Variants in VWA8 observed in about 807,000 individuals in gnomAD.
VWA8 encodes the protein von Willebrand factor A domain containing 8, also known as von Willebrand factor A domain-containing protein 8.
In VWA8, 221 loss-of-function variants were observed where a neutral mutation model predicts 241.5. The observed-to-expected ratio is 0.91, with a 90% confidence interval of 0.82 to 1.02. The LOEUF (loss-of-function observed/expected upper bound fraction) is 1.02. VWA8 is among the 50% of genes least tolerant of loss of function. The probability of loss-of-function intolerance (pLI) is 0.00; values close to 1 mark genes in which losing one functional copy is unlikely to be tolerated. For synonymous variants in VWA8, 852 were observed against 827.1 expected (o/e 1.03, Z -0.52); for missense variants, 2,322 against 2,328.7 (o/e 1.00, Z 0.06).
chr13:41,732,295 G>A, intron 21 of VWA8, 140 bp from the exon 22 acceptor site: 1 of 624,018 alleles, frequency 1.6e-6, no homozygotes, highest in Non-Finnish European at 2.7e-6. Flanking sequence ...AAAAAAAACA[G>A]CAAGTGAAAT....
intron 2 of VWA8, among the ~76,000 whole-genome samples, chr13:41,934,763 TA>T (rs1308545800): frequency 6.6e-6 from 1 of 152,016 alleles, no homozygotes; most frequent in Non-Finnish European, 1.5e-5. Context: ...CAGGAAACAT[TA>T]CAAAGAGGCA....
chr13:41,710,488 T>A (rs1329561163), intron 26 of VWA8, among the ~76,000 whole-genome samples: 3 of 152,210 alleles, frequency 2.0e-5, no homozygotes, highest in Non-Finnish European at 4.4e-5. Context: ...GCCAAGAGAA[T>A]ATAAGGCAAA....
intron 9 of VWA8, among the ~76,000 whole-genome samples, chr13:41,879,470 T>C (rs569830267): frequency 6.6e-6 from 1 of 151,910 alleles, no homozygotes; most frequent in South Asian, 2.1e-4. Flanking sequence ...CTGCTGTCTC[T>C]TCCCTCCTTT....
At chr13:41,841,859 A>ATATATATATAT (rs1566478204) in intron 12 of VWA8, among the ~76,000 whole-genome samples, 7 of 74,456 alleles carry the variant, frequency 9.4e-5, no homozygotes, top group Admixed American at 1.3e-4. Flanking sequence ...ATATATATAT[A>ATATATATATAT]AAAACAGTAG....
intron 37 of VWA8, among the ~76,000 whole-genome samples, chr13:41,633,190 T>C (rs930836601): frequency 6.6e-6 from 1 of 152,202 alleles, no homozygotes; most frequent in African/African-American, 2.4e-5. Context: ...TTTGAAGAAA[T>C]ATTTCAGGGA....
chr13:41,747,440 A>G (rs1270156779), intron 21 of VWA8, among the ~76,000 whole-genome samples: 2 of 152,190 alleles, frequency 1.3e-5, no homozygotes, highest in Admixed American at 6.5e-5. Context: ...ATTTTTGCAC[A>G]TTGATTTTGT....
Position 41,761,185 on chromosome 13 carries a change from A to G in VWA8, c.2369T>C (p.Ile790Thr), listed in dbSNP as rs769329444. Reference protein sequence around the residue: ...VGNQGVGKNKIVDRFLHLLNR... With the variant: ...VGNQGVGKNKTVDRFLHLLNR... ...GAGCAGGTGAAGGAATCTGTCAACA[A>G]TCTTGTTTTTTCCTACACCCTGTAA... Residue 790 changes from isoleucine to threonine, a missense_variant, in exon 21 of 45, where the codon ATT (isoleucine) becomes ACT (threonine). Ile to Thr is a moderately conservative substitution (Grantham distance 89, BLOSUM62 -1). Coordinates refer to ENST00000379310, the MANE Select transcript of VWA8 (RefSeq NM_015058.2). The G allele has an allele frequency of 6.2e-7, 1 of 1,611,740 alleles. No individual in the cohort carries two copies. The highest frequency in any genetic ancestry group is 1.7e-5 in the Admixed American group (1 of 59,868).
rs574654336 is a variant in VWA8, at chr13:41,656,633, A to G, written c.4611+14313T>C. On this transcript the variant is annotated intron_variant, in intron 37 of 44. Coordinates refer to ENST00000379310, the MANE Select transcript of VWA8 (RefSeq NM_015058.2). Reference sequence around the variant, plus strand: ...CTGAGCTATTCATCCAAGGAATTAAATGGAAGATAAAATTAATGGATACTA... The same window carrying G: ...CTGAGCTATTCATCCAAGGAATTAAGTGGAAGATAAAATTAATGGATACTA... Among the ~76,000 whole-genome samples, 29 of 152,330 alleles carry G rather than the reference A, an allele frequency of 1.9e-4. No individual in the cohort carries two copies. The East Asian group carries it at 5.6e-3, about 29-fold the overall frequency.
At chr13:41,828,516 A>T (rs914402801) in intron 14 of VWA8, among the ~76,000 whole-genome samples, 1 of 152,184 alleles carries the variant, frequency 6.6e-6, no homozygotes, top group African/African-American at 2.4e-5. Context: ...TTTTGTTTTG[A>T]AATTTTTTTA....
chr13:41,884,292 T>C lies in VWA8; in HGVS notation c.976-801A>G, dbSNP rs145417555. ...GTTAACCTCCATGCTGTTCTCATGATAGTGAGTTCTCATGAGATCTGATGG... is the reference window on the plus strand; with the variant it reads ...GTTAACCTCCATGCTGTTCTCATGACAGTGAGTTCTCATGAGATCTGATGG... On this transcript the variant is annotated intron_variant, in intron 8 of 44. Transcript: ENST00000379310. Among the ~76,000 whole-genome samples the C allele has an allele frequency of 4.1e-4, 63 of 152,248 alleles. No individual in the cohort carries two copies. In the East Asian group the frequency reaches 0.011, roughly 27 times the overall value.
chr13:41,667,605 A>C lies in VWA8; in HGVS notation c.4611+3341T>G, dbSNP rs1351440419. On this transcript the variant is annotated intron_variant, in intron 37 of 44. Transcript: ENST00000379310. The stretch of plus-strand genomic sequence containing the variant: ...TAGAAAATAACATTTGAAAGCTATA[A>C]CCTTTTAAGCCTTTTTGCTCCCACA... Among the ~76,000 whole-genome samples, 4 of 152,332 alleles carry C rather than the reference A, an allele frequency of 2.6e-5. No homozygotes were observed. In the East Asian group the frequency reaches 5.8e-4, roughly 22 times the overall value.
At chr13:41,688,834 T>G (rs1280400211) in intron 34 of VWA8, among the ~76,000 whole-genome samples, 1 of 150,976 alleles carries the variant, frequency 6.6e-6, no homozygotes, top group Non-Finnish European at 1.5e-5. Context: ...GGGTGGAGAG[T>G]GGGAGGAGGG....
intron 9 of VWA8, among the ~76,000 whole-genome samples, chr13:41,881,650 G>GA: frequency 2.0e-5 from 3 of 149,970 alleles, no homozygotes; most frequent in African/African-American, 2.4e-5. Context: ...CTGGGCAGAG[G>GA]GCTCCTCACT....
chr13:41,929,213 T>C (rs966090846), intron 2 of VWA8, among the ~76,000 whole-genome samples: 2 of 149,582 alleles, frequency 1.3e-5, no homozygotes, highest in South Asian at 2.1e-4. Flanking sequence ...TGGAGTGCAG[T>C]GGCACAATCA....
At chr13:41,722,475 T>C (rs536461901) in intron 24 of VWA8, among the ~76,000 whole-genome samples, 83 of 152,302 alleles carry the variant, frequency 5.4e-4, no homozygotes, top group African/African-American at 1.9e-3. Context: ...AACAGTTATT[T>C]TGTATGTGTG....
At chr13:41,784,746 A>ATATATATATATATATG (rs1869101753) in intron 18 of VWA8, among the ~76,000 whole-genome samples, 1 of 111,102 alleles carries the variant, frequency 9.0e-6, no homozygotes, top group Non-Finnish European at 1.9e-5. Flanking sequence ...ACATATATAT[A>ATATATATATATATATG]TATATATATA....
At chr13:41,887,020 T>A (rs572802236) in intron 6 of VWA8, among the ~76,000 whole-genome samples, 177 bp downstream of exon 6, 1 of 152,338 alleles carries the variant, frequency 6.6e-6, no homozygotes, top group East Asian at 1.9e-4. Context: ...CTTCAAATAA[T>A]GCCATAATAA....
chr13:41,872,289 G>T (rs1176327250), intron 9 of VWA8, among the ~76,000 whole-genome samples: 2 of 152,096 alleles, frequency 1.3e-5, no homozygotes, highest in Admixed American at 6.5e-5. Context: ...TTCTTTTGCT[G>T]TGCAGAAGCT....
chr13:41,668,847 C>T (rs761770777), intron 37 of VWA8, among the ~76,000 whole-genome samples: 5 of 152,144 alleles, frequency 3.3e-5, no homozygotes, highest in Non-Finnish European at 5.9e-5. Flanking sequence ...ATCAAGGGAA[C>T]TTAGGGATCA....
Sources: gnomAD v4.1 joint callset for allele counts (sites outside exome capture counted in the v4.1 genomes callset) on GRCh38, gnomAD v4.1.1 for gene constraint, MANE v1.5 for transcripts, NCBI Gene and HGNC (gene_info 2026-07-23, HGNC 2026-07-21) for gene names.